The following DHRSX variants were observed in gnomAD, a reference collection of about 807,000 sequenced individuals.
DHRSX encodes the protein polyprenol dehydrogenase.
DHRSX carries 31 observed loss-of-function variants against 34.0 expected under a neutral mutation model. The observed-to-expected ratio is 0.91, with a 90% CI of 0.69 to 1.23. DHRSX has a LOEUF of 1.23. DHRSX is among the 50% of genes most tolerant of loss of function. DHRSX has a pLI of 0.00. For synonymous variants in DHRSX, 201 were observed against 183.8 expected, an observed-to-expected ratio of 1.09 and a Z score of -0.76; for missense variants, 414 against 428.1, an observed-to-expected ratio of 0.97 and a Z score of 0.29.
intron 1 of DHRSX, among the ~76,000 whole-genome samples, chrX:2,446,685 A>C (rs757015930): frequency 2.6e-5 from 4 of 151,964 alleles, no homozygotes; most frequent in South Asian, 4.2e-4. Context: ...TGGCCAAGGG[A>C]CCACCGCCAT....
At chrX:2,227,333 G>A (rs191805945) in intron 6 of DHRSX, among the ~76,000 whole-genome samples, 23 of 150,306 alleles carry the variant, frequency 1.5e-4, no homozygotes, top group African/African-American at 5.2e-4. Context: ...ATGGAAGGAA[G>A]AAAGAGAAGG....
At chrX:2,246,180 T>TA (rs1253045491) in intron 5 of DHRSX, among the ~76,000 whole-genome samples, 3 of 152,006 alleles carry the variant, frequency 2.0e-5, no homozygotes, top group Admixed American at 6.6e-5. Flanking sequence ...ATATTTATGC[T>TA]AAAAAACTAA....
At chrX:2,328,335 G>A (rs766702953) in intron 3 of DHRSX, among the ~76,000 whole-genome samples, 2 of 151,586 alleles carry the variant, frequency 1.3e-5, no homozygotes, top group African/African-American at 4.8e-5. Context: ...AAAAGGAGAT[G>A]AGGACACAGA....
chrX:2,272,241 A>G (rs2041567548), intron 4 of DHRSX, among the ~76,000 whole-genome samples: 1 of 152,058 alleles, frequency 6.6e-6, no homozygotes, highest in Non-Finnish European at 1.5e-5. Context: ...TCACGATGCC[A>G]TTTTCCTCAT....
chrX:2,500,737 A>T, intron 1 of DHRSX, 80 bp downstream of exon 1: 1 of 551,758 alleles, frequency 1.8e-6, no homozygotes, highest in Non-Finnish European at 2.3e-6. Flanking sequence ...GGTCACGCGG[A>T]GCCCCCGCGC....
intron 6 of DHRSX, among the ~76,000 whole-genome samples, chrX:2,225,929 G>A (rs187993562): frequency 5.5e-4 from 84 of 151,586 alleles, no homozygotes; most frequent in African/African-American, 1.8e-3. Context: ...ATAAGAAGAG[G>A]AGATGAGGAG....
chrX:2,224,467 CA>C (rs1402170786), intron 6 of DHRSX, among the ~76,000 whole-genome samples: 1 of 152,092 alleles, frequency 6.6e-6, no homozygotes, highest in Non-Finnish European at 1.5e-5. Flanking sequence ...GGCAAGATAC[CA>C]CCTGTGCTAT....
intron 5 of DHRSX, among the ~76,000 whole-genome samples, chrX:2,243,737 C>T (rs2016199024): frequency 6.7e-6 from 1 of 149,640 alleles, no homozygotes; most frequent in South Asian, 2.1e-4. Flanking sequence ...TATCCACCCG[C>T]TTCAGCCTCC....
At chrX:2,497,439 C>G (rs1346736111) in intron 1 of DHRSX, among the ~76,000 whole-genome samples, 2 of 152,144 alleles carry the variant, frequency 1.3e-5, no homozygotes, top group East Asian at 3.9e-4. Flanking sequence ...TTACTTCTAC[C>G]TGATTTCTAA....
chrX:2,322,594 T>C (rs922725452), intron 3 of DHRSX, among the ~76,000 whole-genome samples: 6 of 151,812 alleles, frequency 4.0e-5, no homozygotes, highest in Non-Finnish European at 8.8e-5. Context: ...CTTATGATTT[T>C]TGATTCTCAA....
Position 2,331,444 on chromosome X carries a change from T to TG in DHRSX, c.287-39842_287-39841insC, listed in dbSNP as rs1249166767. On this transcript the variant is annotated intron_variant, in intron 3 of 6. Transcript: ENST00000334651. ...TTCAGGAAGGTTTTTTGGTTTTTTTTTTTTTTTTTTTTTTTTTTTTGAGAC... is the reference window on the plus strand; with the variant it reads ...TTCAGGAAGGTTTTTTGGTTTTTTTTGTTTTTTTTTTTTTTTTTTTTGAGAC... 3.3e-3 allele frequency among the ~76,000 whole-genome samples: 222 copies of TG among 67,672 alleles called. 1 individual carries two copies. Among genetic ancestry groups the TG allele is most frequent in the African/African-American group, 0.019 (214 of 11,084 alleles). The allele number at this position is 67,672 out of a possible 152,430, so 44.4% of individuals were successfully genotyped here.
intron 1 of DHRSX, among the ~76,000 whole-genome samples, chrX:2,471,979 C>A (rs1457053169): frequency 1.3e-5 from 2 of 151,756 alleles, no homozygotes; most frequent in African/African-American, 4.8e-5. Flanking sequence ...AACCCCGTCT[C>A]TACTAAAAAT....
intron 1 of DHRSX, among the ~76,000 whole-genome samples, chrX:2,461,835 G>T (rs1054190908): frequency 2.0e-5 from 3 of 152,140 alleles, no homozygotes; most frequent in African/African-American, 7.2e-5. Flanking sequence ...CAGTAGCTGG[G>T]ACTACAGGCA....
At chrX:2,450,590 C>G (rs1357700559) in intron 1 of DHRSX, among the ~76,000 whole-genome samples, 1 of 152,042 alleles carries the variant, frequency 6.6e-6, no homozygotes, top group Non-Finnish European at 1.5e-5. Flanking sequence ...TGGGCTTTCC[C>G]AGGTTCTGCG....
intron 3 of DHRSX, among the ~76,000 whole-genome samples, chrX:2,381,661 C>T (rs1229011371): frequency 6.6e-6 from 1 of 151,800 alleles, no homozygotes; most frequent in Non-Finnish European, 1.5e-5. Context: ...GGCAAAAGAG[C>T]CAGAAGCAAA....
intron 3 of DHRSX, among the ~76,000 whole-genome samples, chrX:2,395,753 CA>C (rs1190348620): frequency 2.6e-5 from 4 of 152,124 alleles, no homozygotes; most frequent in Non-Finnish European, 5.9e-5. Flanking sequence ...CCTGATGAGC[CA>C]GGGGGGTGAC....
chrX:2,458,407 T>C (rs1414495085), intron 1 of DHRSX, among the ~76,000 whole-genome samples: 1 of 152,090 alleles, frequency 6.6e-6, no homozygotes, highest in African/African-American at 2.4e-5. Flanking sequence ...GCACTACTAA[T>C]AGTTTCCAAG....
At chrX:2,430,559 C>G (rs1479559847) in intron 1 of DHRSX, among the ~76,000 whole-genome samples, 1 of 152,130 alleles carries the variant, frequency 6.6e-6, no homozygotes, top group African/African-American at 2.4e-5. Flanking sequence ...CTCCTTCTAC[C>G]CAATTCCTCG....
intron 3 of DHRSX, among the ~76,000 whole-genome samples, chrX:2,366,762 ATT>A (rs111658597): frequency 1.6e-4 from 24 of 146,426 alleles, no homozygotes; most frequent in Admixed American, 3.4e-4. Flanking sequence ...TACCCGGATA[ATT>A]TTTTTTTTTT....
Sources: gnomAD v4.1 joint callset for allele counts (sites outside exome capture counted in the v4.1 genomes callset) on GRCh38, gnomAD v4.1.1 for gene constraint, MANE v1.5 for transcripts, NCBI Gene and HGNC (gene_info 2026-07-23, HGNC 2026-07-21) for gene names.